The following SEC16A variants were observed in gnomAD, a reference collection of about 807,000 sequenced individuals.
SEC16A encodes the protein protein transport protein Sec16A.
Under a neutral mutation model 221.9 loss-of-function variants are expected in SEC16A, and 110 were observed. That is an observed-to-expected ratio of 0.50 (90% CI 0.42 to 0.58). The LOEUF (loss-of-function observed/expected upper bound fraction) is 0.58. Ranked by LOEUF, SEC16A falls within the 20% of genes least tolerant of loss-of-function variation. The pLI is 0.00. For synonymous variants in SEC16A, 1,393 were observed against 1,257.7 expected, an observed-to-expected ratio of 1.11 and a Z score of -2.28; for missense variants, 3,165 against 3,097.8, an observed-to-expected ratio of 1.02 and a Z score of -0.52.
intron 29 of SEC16A, 86 bp downstream of exon 29, chr9:136,445,559 G>A (rs1021951980): frequency 1.4e-5 from 14 of 990,708 alleles, no homozygotes; most frequent in African/African-American, 3.3e-5. Context: ...ACCCAGTACC[G>A]CCCCTCCATA....
rs775067506 is a variant in SEC16A at position 136,475,288 on chromosome 9, C to T, written c.2328G>A (p.Ala776=). The change falls in exon 3 of 32, where the codon GCG becomes GCA. Residue 776 remains alanine, a synonymous_variant. Transcript: ENST00000684901. The surrounding 1 kb of genome is among the most constrained non-coding windows in gnomAD (Gnocchi z 5.0). The part of the protein sequence containing the change: ...SGQQSRNPSS[A]APVQSRGGIG... ...TGCCACCTCGGCTCTGCACCGGGGC[C>T]GCCGAGCTTGGGTTCCGTGACTGCT... is the stretch of plus-strand genomic sequence containing the variant. 21 of 1,613,248 alleles carry T rather than the reference C, an allele frequency of 1.3e-5. No individual in the cohort carries two copies. The highest frequency in any genetic ancestry group is 4.5e-5 in the East Asian group (2 of 44,890).
chr9:136,470,237 G>A (rs1023473941), intron 4 of SEC16A, among the ~76,000 whole-genome samples: 1 of 152,208 alleles, frequency 6.6e-6, no homozygotes, highest in African/African-American at 2.4e-5. Flanking sequence ...ACACAGGAAG[G>A]AAGAGTAAGC....
At position 136,440,844 on chromosome 9, in the gene SEC16A, A is replaced by T. The variant is rs116507891; in HGVS notation, c.*911T>A. On this transcript the variant is annotated 3_prime_UTR_variant, in exon 32 of 32. Transcript: ENST00000684901. The stretch of plus-strand genomic sequence containing the variant: ...ATTGTACCACGAAAAGTGCTCACGG[A>T]AAGTGCAGCCTTTTAGAGAAGTGCA... The T allele has an allele frequency of 0.042, 6,434 of 152,498 alleles. 367 individuals carry two copies. Among genetic ancestry groups the T allele is most frequent in the African/African-American group, 0.12 (5,192 of 41,566 alleles). 9.4% of individuals were successfully genotyped at this position (152,498 alleles called of 1,614,324 possible). A position where few individuals can be genotyped will look rare whatever the true frequency, so the allele number is the denominator to read the frequency against.
intron 18 of SEC16A, 91 bp downstream of exon 18, chr9:136,457,353 A>C: frequency 7.0e-7 from 1 of 1,429,296 alleles, no homozygotes; most frequent in Non-Finnish European, 9.4e-7. Flanking sequence ...GCGCGTCTGA[A>C]CCATCGCTAC....
In SEC16A at chr9:136,472,100, G is replaced by A; in HGVS notation, c.3579C>T (p.Ser1193=). ...AASLYYQDVY[S]LYEPRYRPYD... is the part of the protein sequence containing the mutation. Reference sequence around the variant, plus strand: ...AGGGCCTGTATCGAGGCTCATAGAGGCTGTAGACATCCTGTGGGAGGAAGC... The same window carrying A: ...AGGGCCTGTATCGAGGCTCATAGAGACTGTAGACATCCTGTGGGAGGAAGC... Residue 1193 remains serine, a synonymous_variant, in exon 4 of 32, where the codon AGC becomes AGT. Coordinates refer to ENST00000684901, the MANE Select transcript of SEC16A (RefSeq NM_014866.2). 6.2e-7 allele frequency: 1 copy of A among 1,613,702 alleles called. No individual in the cohort carries two copies. Among genetic ancestry groups the A allele is most frequent in the Non-Finnish European group, 8.5e-7 (1 of 1,179,880 alleles).
intron 3 of SEC16A, among the ~76,000 whole-genome samples, chr9:136,472,604 C>G (rs1213491483): frequency 2.0e-5 from 3 of 152,244 alleles, no homozygotes; most frequent in Admixed American, 1.3e-4. Flanking sequence ...CAGCCAGGAG[C>G]AGCCTCTAAA....
intron 17 of SEC16A, among the ~76,000 whole-genome samples, chr9:136,458,680 T>A (rs1839058882): frequency 6.6e-6 from 1 of 150,974 alleles, no homozygotes; most frequent in Non-Finnish European, 1.5e-5. Flanking sequence ...ACGCCTGTAA[T>A]CCCAACACTC....
At chr9:136,477,869 G>A (rs1841850550) in intron 2 of SEC16A, among the ~76,000 whole-genome samples, 185 bp from the exon 3 acceptor site, 1 of 152,106 alleles carries the variant, frequency 6.6e-6, no homozygotes, top group South Asian at 2.1e-4. Context: ...TGTTCTGGGG[G>A]GCAGGGGACA....
At position 136,454,045 on chromosome 9, in the gene SEC16A, A is replaced by T. The variant is rs552537544; in HGVS notation, c.6076+64T>A. On this transcript the variant is annotated intron_variant, in intron 21 of 31. Coordinates refer to ENST00000684901, the MANE Select transcript of SEC16A (RefSeq NM_014866.2). The stretch of plus-strand genomic sequence containing the variant: ...TCAAATAACTTCAATCTCTTCCACC[A>T]ATCCCCACAAACACCACACCCCATG... 5.0e-5 allele frequency: 70 copies of T among 1,389,088 alleles called. 1 individual carries two copies. In the African/African-American group the frequency reaches 8.7e-4, roughly 17 times the overall value. 86.0% of individuals were successfully genotyped at this position (1,389,088 alleles called of 1,614,324 possible).
rs760241782 is a variant in SEC16A at position 136,477,157 on chromosome 9, C to G, written c.459G>C (p.Gln153His). 6.2e-7 allele frequency: 1 copy of G among 1,613,842 alleles called. No homozygotes were observed. Among genetic ancestry groups the G allele is most frequent in the South Asian group, 1.1e-5 (1 of 91,078 alleles). The change falls in exon 3 of 32, where the codon CAG (glutamine) becomes CAC (histidine). Residue 153 changes from glutamine (Q) to histidine (H), a missense_variant. Gln to His is a conservative substitution (Grantham distance 24). Transcript: ENST00000684901. ...TGTAGTGAGGAAGATATGGCAGAGT[C>G]TGAACTTCAGGCTCTGAACTGGGAC... ...EVGPSSEPEV[Q>H]TLPYLPHYIP...
At chr9:136,450,423 C>T (rs1189799373) in intron 23 of SEC16A, among the ~76,000 whole-genome samples, 1 of 151,958 alleles carries the variant, frequency 6.6e-6, no homozygotes, top group Non-Finnish European at 1.5e-5. Flanking sequence ...AGGAGGATCA[C>T]TTGGGCCCAG....
chr9:136,463,413 G>C, intron 11 of SEC16A, 50 bp downstream of exon 11: 1 of 1,596,174 alleles, frequency 6.3e-7, no homozygotes, highest in Non-Finnish European at 8.6e-7. Flanking sequence ...TTCCCAAGAC[G>C]AAATGAAGAC....
At chr9:136,468,578 T>C in intron 4 of SEC16A, 66 bp from the exon 5 acceptor site, 3 of 1,036,376 alleles carry the variant, frequency 2.9e-6, no homozygotes, top group East Asian at 4.9e-5. Context: ...CATCAGCCAA[T>C]ACAAATCATT....
In SEC16A at chr9:136,463,690, T is replaced by A; in HGVS notation, c.4497A>T (p.Gly1499=). 1 of 1,612,888 alleles carries A rather than the reference T, an allele frequency of 6.2e-7. No individual in the cohort carries two copies. Among genetic ancestry groups the A allele is most frequent in the Non-Finnish European group, 8.5e-7 (1 of 1,179,684 alleles). Residue 1499 remains glycine, a synonymous_variant, in exon 10 of 32, where the codon GGA becomes GGT. Coordinates refer to ENST00000684901, the MANE Select transcript of SEC16A (RefSeq NM_014866.2). ...AACAAGGAACATACTTGGCCAGGGGTCCCGGGAACGCCCGCATCTCCTCCT... is the reference window on the plus strand; with the variant it reads ...AACAAGGAACATACTTGGCCAGGGGACCCGGGAACGCCCGCATCTCCTCCT... ...SEQEEMRAFP[G]PLAKDDTHKV... is the part of the protein sequence containing the mutation.
At chr9:136,483,484 C>A (rs1376003094), upstream of SEC16A, 13 of 972,496 alleles carry the variant, frequency 1.3e-5, 1 homozygote, top group Admixed American at 1.3e-4. Context: ...GCCCCGCCCC[C>A]CTCCGGCGTC....
Position 136,447,051 on chromosome 9 carries a change from G to A in SEC16A, c.6698-102C>T. 1.3e-6 allele frequency: 2 copies of A among 1,575,214 alleles called. No individual in the cohort carries two copies. Among genetic ancestry groups the A allele is most frequent in the Non-Finnish European group, 1.7e-6 (2 of 1,163,484 alleles). ...AAGAGAGTTTCACACTGCACACGCGGCACACTCATGCAGAAACAGGCAAAT... is the reference window on the plus strand; with the variant it reads ...AAGAGAGTTTCACACTGCACACGCGACACACTCATGCAGAAACAGGCAAAT... On this transcript the variant is annotated intron_variant, in intron 27 of 31. Transcript: ENST00000684901. This position sits in a 1 kb window ranked among gnomAD's most constrained non-coding sequence, Gnocchi z 5.5.
intron 28 of SEC16A, among the ~76,000 whole-genome samples, chr9:136,446,329 G>C (rs190571105): frequency 3.3e-5 from 5 of 151,240 alleles, no homozygotes; most frequent in Non-Finnish European, 7.4e-5. Flanking sequence ...GGCTGGTCTC[G>C]AACTCCTGAC....
At position 136,459,161 on chromosome 9, in the gene SEC16A, G is replaced by C. The variant is rs376281052; in HGVS notation, c.5382C>G (p.Ala1794=). Residue 1794 remains alanine, a synonymous_variant, in exon 17 of 32, where the codon GCC becomes GCG. Coordinates refer to ENST00000684901, the MANE Select transcript of SEC16A (RefSeq NM_014866.2). This position sits in a 1 kb window ranked among gnomAD's most constrained non-coding sequence, Gnocchi z 6.1. ...EAYEYAQSLG[A]ETCPLPSFQV... ...GGAAACTAGGCAGGGGGCAGGTCTCGGCACCCAGGGACTGGGCGTACTCAT... is the reference window on the plus strand; with the variant it reads ...GGAAACTAGGCAGGGGGCAGGTCTCCGCACCCAGGGACTGGGCGTACTCAT... 1 of 1,612,232 alleles carries C rather than the reference G, an allele frequency of 6.2e-7. No homozygotes were observed. The highest frequency in any genetic ancestry group is 8.5e-7 in the Non-Finnish European group (1 of 1,178,722).
At chr9:136,483,855 G>A, upstream of SEC16A, 2 of 956,968 alleles carry the variant, frequency 2.1e-6, no homozygotes, top group Non-Finnish European at 2.5e-6. Context: ...GGCCGACTGC[G>A]CCTGCGCGCT....
Sources: allele counts gnomAD v4.1 joint callset (sites outside exome capture counted in the v4.1 genomes callset), GRCh38; gene constraint gnomAD v4.1.1; non-coding constraint Gnocchi (gnomAD v3.1); transcripts MANE v1.5; gene names NCBI Gene and HGNC (gene_info 2026-07-23, HGNC 2026-07-21).